Variants in PCDHGA6 observed in about 807,000 individuals in gnomAD.
PCDHGA6 encodes protocadherin gamma-A6.
PCDHGA6 carries 41 observed loss-of-function variants against 60.6 expected under a neutral mutation model. That is an observed-to-expected ratio of 0.68 (90% CI 0.53 to 0.88). The LOEUF (loss-of-function observed/expected upper bound fraction) is 0.88. Among genes scored for constraint, PCDHGA6 ranks in the 40% least tolerant of loss-of-function variants. PCDHGA6 has a pLI of 0.00. For missense variants in PCDHGA6, 1,312 were observed against 1,203.0 expected (o/e 1.09, Z -1.34); for synonymous variants, 594 against 524.4 (o/e 1.13, Z -1.81).
intron 1 of PCDHGA6, among the ~76,000 whole-genome samples, chr5:141,445,700 A>G (rs2098474731): frequency 6.6e-6 from 1 of 152,216 alleles, no homozygotes; most frequent in Non-Finnish European, 1.5e-5. Flanking sequence ...TAAAAAAGAA[A>G]TTGTCAGGCA....
At chr5:141,454,789 G>T (rs1368681394) in intron 1 of PCDHGA6, among the ~76,000 whole-genome samples, 1 of 129,576 alleles carries the variant, frequency 7.7e-6, no homozygotes, top group African/African-American at 3.1e-5. Flanking sequence ...AATCCTCCAT[G>T]GTTCTAATTT....
intron 1 of PCDHGA6, chr5:141,410,614 G>A: frequency 6.2e-7 from 1 of 1,604,858 alleles, no homozygotes; most frequent in South Asian, 1.1e-5. Flanking sequence ...CTGAGACTCT[G>A]ACTTCGGTGA....
At chr5:141,421,825 AG>A in intron 1 of PCDHGA6, 1 of 1,613,802 alleles carries the variant, frequency 6.2e-7, no homozygotes. Flanking sequence ...ACTGGAGGGA[AG>A]CCTGGACCGA....
Position 141,476,489 on chromosome 5 carries a change from A to G in PCDHGA6, c.2425-18318A>G. ...GGAGCTGTTCAGCGTGGAAGTGGTGATCCAGGACATCAACGACAACAATCC... is the reference window on the plus strand; with the variant it reads ...GGAGCTGTTCAGCGTGGAAGTGGTGGTCCAGGACATCAACGACAACAATCC... On this transcript the variant is annotated intron_variant, in intron 1 of 3. Coordinates refer to ENST00000517434, the MANE Select transcript of PCDHGA6 (RefSeq NM_018919.3). The surrounding 1 kb of genome is among the most constrained non-coding windows in gnomAD (Gnocchi z 7.6). The G allele has an allele frequency of 6.2e-7, 1 of 1,613,928 alleles. No individual in the cohort carries two copies. Among genetic ancestry groups the G allele is most frequent in the Non-Finnish European group, 8.5e-7 (1 of 1,179,976 alleles).
chr5:141,501,343 C>T (rs1202291965), intron 2 of PCDHGA6, among the ~76,000 whole-genome samples: 1 of 150,430 alleles, frequency 6.6e-6, no homozygotes, highest in Non-Finnish European at 1.5e-5. Context: ...ACCCCAAACT[C>T]AATAGGGCAA....
chr5:141,489,284 T>A lies in PCDHGA6; in HGVS notation c.2425-5523T>A. On this transcript the variant is annotated intron_variant, in intron 1 of 3. Transcript: ENST00000517434. This position sits in a 1 kb window ranked among gnomAD's most constrained non-coding sequence, Gnocchi z 4.5. ...CCACAGCTCGCTGGGAAATGGCAAG[T>A]GCTGTGCATGTTGTCCTTGTGCTGC... The A allele has an allele frequency of 6.4e-7, 1 of 1,570,016 alleles. No homozygotes were observed. The highest frequency in any genetic ancestry group is 2.2e-5 in the East Asian group (1 of 44,588).
At chr5:141,395,315 G>A in intron 1 of PCDHGA6, 1 of 1,486,272 alleles carries the variant, frequency 6.7e-7, no homozygotes, top group Middle Eastern at 1.8e-4. Context: ...AAAACATTGT[G>A]AAGATAGTTG....
At chr5:141,422,683 G>A in intron 1 of PCDHGA6, 1 of 1,605,286 alleles carries the variant, frequency 6.2e-7, no homozygotes, top group Non-Finnish European at 8.5e-7. Flanking sequence ...CAAACAGAAT[G>A]CCCTGGTCAC....
At chr5:141,383,069 G>C (rs370612007) in intron 1 of PCDHGA6, 5 of 1,613,768 alleles carry the variant, frequency 3.1e-6, no homozygotes, top group Non-Finnish European at 3.4e-6. Flanking sequence ...CTGGAGCCCC[G>C]GGAGCTGGCG....
chr5:141,454,796 ATTTTTTTTTT>A (rs61612330), intron 1 of PCDHGA6, among the ~76,000 whole-genome samples: 11 of 77,458 alleles, frequency 1.4e-4, no homozygotes, highest in East Asian at 8.0e-4. Flanking sequence ...CATGGTTCTA[ATTTTTTTTTT>A]TTTTTTTTTT....
chr5:141,418,123 C>A (rs1049456676), intron 1 of PCDHGA6: 8 of 1,613,914 alleles, frequency 5.0e-6, no homozygotes, highest in Admixed American at 3.3e-5. Flanking sequence ...TTGTGAAGGA[C>A]CGAATAGACC....
At chr5:141,419,585 G>C (rs2096403161) in intron 1 of PCDHGA6, 8 of 1,611,776 alleles carry the variant, frequency 5.0e-6, no homozygotes, top group Non-Finnish European at 6.8e-6. Flanking sequence ...CGCGCTCTTC[G>C]ACACAGTGCC....
At chr5:141,438,591 CATATATAT>C (rs946798767) in intron 1 of PCDHGA6, among the ~76,000 whole-genome samples, 35 of 75,562 alleles carry the variant, frequency 4.6e-4, no homozygotes, top group South Asian at 1.0e-3. Flanking sequence ...TACATACATA[CATATATAT>C]ATATATATAT....
At chr5:141,408,003 C>G in intron 1 of PCDHGA6, 1 of 917,520 alleles carries the variant, frequency 1.1e-6, no homozygotes, top group Non-Finnish European at 1.6e-6. Flanking sequence ...GCCTGGGATT[C>G]CCTGCGCAGC....
intron 1 of PCDHGA6, chr5:141,384,918 C>T: frequency 6.2e-7 from 1 of 1,613,954 alleles, no homozygotes; most frequent in South Asian, 1.1e-5. Context: ...AAGTCTTGGC[C>T]GACCTGGGCA....
intron 1 of PCDHGA6, among the ~76,000 whole-genome samples, chr5:141,387,521 C>G (rs1036909067): frequency 6.6e-6 from 1 of 152,188 alleles, no homozygotes; most frequent in Non-Finnish European, 1.5e-5. Flanking sequence ...ATTAAATATA[C>G]AGACGTATCC....
intron 1 of PCDHGA6, among the ~76,000 whole-genome samples, chr5:141,381,671 T>TGCTGCAGCCAAGACAA (rs1777346396): frequency 6.6e-6 from 1 of 152,206 alleles, no homozygotes; most frequent in Non-Finnish European, 1.5e-5. Flanking sequence ...TATAGCTGAT[T>TGCTGCAGCCAAGACAA]GCTGCAGCCA....
At chr5:141,404,776 A>C in intron 1 of PCDHGA6, 1 of 1,613,070 alleles carries the variant, frequency 6.2e-7, no homozygotes, top group Non-Finnish European at 8.5e-7. Context: ...CCTACCGCCT[A>C]TTCAAGGCCA....
rs770596172 is a variant in PCDHGA6, at chr5:141,487,664, G to A, written c.2425-7143G>A. ...AATGCTTGAGGGTTATTCTGATCCA[G>A]GCATATGGCTAGGCCATGTCCTAGA... On this transcript the variant is annotated intron_variant, in intron 1 of 3. Transcript: ENST00000517434. The surrounding 1 kb of genome is among the most constrained non-coding windows in gnomAD (Gnocchi z 5.0). 1.9e-5 allele frequency: 31 copies of A among 1,613,048 alleles called. No individual in the cohort carries two copies. The South Asian group carries it at 3.4e-4, about 18-fold the overall frequency.
Sources: allele counts gnomAD v4.1 joint callset (sites outside exome capture counted in the v4.1 genomes callset), GRCh38; gene constraint gnomAD v4.1.1; non-coding constraint Gnocchi (gnomAD v3.1); transcripts MANE v1.5; gene names NCBI Gene and HGNC (gene_info 2026-07-23, HGNC 2026-07-21).